The following UBE2E2 variants were observed in gnomAD, a reference collection of about 807,000 sequenced individuals.
The protein encoded by UBE2E2 is ubiquitin-conjugating enzyme E2 E2.
Under a neutral mutation model 24.7 loss-of-function variants are expected in UBE2E2, and 6 were observed. That is an observed-to-expected ratio of 0.24 (90% confidence interval 0.13 to 0.48). The LOEUF is 0.48. Among genes scored for constraint, UBE2E2 ranks in the 20% least tolerant of loss-of-function variants. The pLI is 0.99. For missense variants in UBE2E2, 169 were observed against 245.0 expected (o/e 0.69, Z 2.07); for synonymous variants, 104 against 83.6 (o/e 1.24, Z -1.33).
chr3:23,325,498 C>G (rs1694860745), intron 3 of UBE2E2, among the ~76,000 whole-genome samples: 1 of 152,132 alleles, frequency 6.6e-6, no homozygotes, highest in African/African-American at 2.4e-5. Flanking sequence ...CTTTAGTATA[C>G]AGAAAACATT....
At position 23,280,592 on chromosome 3, in the gene UBE2E2, TG is replaced by T. The variant is rs772946053; in HGVS notation, c.227+63281del. ...AAGCCTGTTGACCCAACAGCAACCC[TG>T]ATGACCCAGTTGTCTTACTCACTCA... is the stretch of plus-strand genomic sequence containing the variant. On this transcript the variant is annotated intron_variant, in intron 3 of 5. Coordinates refer to ENST00000396703, the MANE Select transcript of UBE2E2 (RefSeq NM_152653.4). This position sits in a 1 kb window ranked among gnomAD's most constrained non-coding sequence, Gnocchi z 4.3. Among the ~76,000 whole-genome samples the T allele has an allele frequency of 6.6e-6, 1 of 152,224 alleles. No individual in the cohort carries two copies. The highest frequency in any genetic ancestry group is 1.5e-5 in the Non-Finnish European group (1 of 68,032).
chr3:23,531,538 AATTAC>A (rs1226727727), intron 4 of UBE2E2, among the ~76,000 whole-genome samples: 1 of 152,198 alleles, frequency 6.6e-6, no homozygotes, highest in Non-Finnish European at 1.5e-5. Flanking sequence ...CATGTTTCAC[AATTAC>A]ATGTAAGCAG....
chr3:23,367,827 C>A (rs1419958660), intron 3 of UBE2E2, among the ~76,000 whole-genome samples: 2 of 152,090 alleles, frequency 1.3e-5, no homozygotes, highest in Admixed American at 6.6e-5. Flanking sequence ...TCTGAAACTA[C>A]CTCCAGTTAG....
Position 23,294,536 on chromosome 3 carries a change from G to A in UBE2E2, c.227+77224G>A, listed in dbSNP as rs565301440. ...TGATCATCTATGTAGTAAGTGCAGC[G>A]TTTAGATTATTTGTATCTTTTTATT... On this transcript the variant is annotated intron_variant, in intron 3 of 5. Transcript: ENST00000396703. 5.9e-3 allele frequency among the ~76,000 whole-genome samples: 856 copies of A among 145,828 alleles called. 5 individuals carry two copies. The highest frequency in any genetic ancestry group is 8.3e-3 in the Non-Finnish European group (548 of 66,420).
intron 5 of UBE2E2, among the ~76,000 whole-genome samples, chr3:23,565,699 T>G (rs1041613418): frequency 2.0e-5 from 3 of 152,098 alleles, no homozygotes; most frequent in African/African-American, 7.2e-5. Flanking sequence ...AAATTCTGAT[T>G]AGGAAAATCC....
intron 3 of UBE2E2, among the ~76,000 whole-genome samples, chr3:23,242,210 G>A (rs900317417): frequency 3.3e-5 from 5 of 152,040 alleles, no homozygotes; most frequent in African/African-American, 1.2e-4. Context: ...GGGATTATAG[G>A]CATGAATCAT....
chr3:23,462,283 A>G (rs140796382), intron 3 of UBE2E2, among the ~76,000 whole-genome samples: 23 of 152,248 alleles, frequency 1.5e-4, no homozygotes, highest in African/African-American at 5.5e-4. Flanking sequence ...ACTTGTTACC[A>G]TTTTGGAAAT....
chr3:23,472,870 C>T (rs1369838091), intron 3 of UBE2E2, among the ~76,000 whole-genome samples: 3 of 152,032 alleles, frequency 2.0e-5, no homozygotes, highest in Admixed American at 2.0e-4. Flanking sequence ...CTATGCTGGT[C>T]TCAAACTCCT....
intron 3 of UBE2E2, among the ~76,000 whole-genome samples, chr3:23,373,695 T>C (rs1696451013): frequency 6.6e-6 from 1 of 152,176 alleles, no homozygotes; most frequent in Admixed American, 6.5e-5. Context: ...TAGTCTACTC[T>C]TATGCTAGGG....
intron 5 of UBE2E2, among the ~76,000 whole-genome samples, chr3:23,566,561 A>G (rs143581516): frequency 1.3e-5 from 2 of 152,332 alleles, no homozygotes; most frequent in East Asian, 3.9e-4. Context: ...GTATAGTGCC[A>G]GCATCTGCTT....
chr3:23,574,208 T>C (rs1006602462), intron 5 of UBE2E2, among the ~76,000 whole-genome samples: 3 of 151,974 alleles, frequency 2.0e-5, no homozygotes, highest in Non-Finnish European at 4.4e-5. Flanking sequence ...AGTAGAAGAA[T>C]GGTTACCAGA....
chr3:23,364,170 TA>T (rs1157395161), intron 3 of UBE2E2, among the ~76,000 whole-genome samples: 1 of 151,644 alleles, frequency 6.6e-6, no homozygotes, highest in Non-Finnish European at 1.5e-5. Context: ...ACTAAAAAGT[TA>T]AAAGTTAAAA....
At chr3:23,501,891 G>A (rs1251172253) in intron 4 of UBE2E2, among the ~76,000 whole-genome samples, 2 of 151,608 alleles carry the variant, frequency 1.3e-5, no homozygotes, top group East Asian at 1.9e-4. Flanking sequence ...TAATGAATTG[G>A]ACCAGACAAT....
chr3:23,391,160 CAA>C (rs1467493525), intron 3 of UBE2E2, among the ~76,000 whole-genome samples: 2 of 152,212 alleles, frequency 1.3e-5, no homozygotes, highest in East Asian at 3.9e-4. Context: ...TTTACTTACC[CAA>C]AGTCATACAG....
intron 3 of UBE2E2, among the ~76,000 whole-genome samples, chr3:23,403,288 C>T (rs1363838445): frequency 6.6e-6 from 1 of 152,200 alleles, no homozygotes; most frequent in Non-Finnish European, 1.5e-5. Context: ...AATTTCACAT[C>T]TTCCCAACAT....
chr3:23,255,950 G>T (rs777628440), intron 3 of UBE2E2, among the ~76,000 whole-genome samples: 1 of 152,134 alleles, frequency 6.6e-6, no homozygotes, highest in Non-Finnish European at 1.5e-5. Flanking sequence ...AGTTCAGCCT[G>T]GGCAACACGG....
chr3:23,557,674 A>G (rs1253020353), intron 5 of UBE2E2, among the ~76,000 whole-genome samples: 1 of 152,220 alleles, frequency 6.6e-6, no homozygotes, highest in Non-Finnish European at 1.5e-5. Context: ...CCAACATTGA[A>G]CAAAATGACA....
intron 5 of UBE2E2, among the ~76,000 whole-genome samples, chr3:23,555,942 A>G (rs1193621287): frequency 6.6e-6 from 1 of 152,114 alleles, no homozygotes; most frequent in Non-Finnish European, 1.5e-5. Context: ...CTCGTGTGCA[A>G]CATAAGGACT....
At chr3:23,493,996 A>T (rs1699552948) in intron 3 of UBE2E2, among the ~76,000 whole-genome samples, 1 of 152,236 alleles carries the variant, frequency 6.6e-6, no homozygotes, top group South Asian at 2.1e-4. Flanking sequence ...TTTTGCAGTC[A>T]AGGAAACTAA....
Sources: gnomAD v4.1 joint callset for allele counts (sites outside exome capture counted in the v4.1 genomes callset) on GRCh38, gnomAD v4.1.1 for gene constraint, Gnocchi (gnomAD v3.1) non-coding constraint, MANE v1.5 for transcripts, NCBI Gene and HGNC (gene_info 2026-07-23, HGNC 2026-07-21) for gene names.